Variants in NIM1K observed in about 807,000 individuals in gnomAD.
NIM1K encodes the protein NIM1 serine/threonine protein kinase.
In NIM1K, 35 loss-of-function variants were observed where a neutral mutation model predicts 37.1. That is an observed-to-expected ratio of 0.94 (90% CI 0.72 to 1.25). The LOEUF is 1.25. NIM1K is among the 50% of genes most tolerant of loss of function. The probability of loss-of-function intolerance (pLI) is 0.00; values close to 1 mark genes in which losing one functional copy is unlikely to be tolerated. For missense variants in NIM1K, 564 were observed against 548.0 expected (o/e 1.03, Z -0.29); for synonymous variants, 234 against 206.6 (o/e 1.13, Z -1.14).
chr5:43,252,215 T>G (rs1290075419), intron 2 of NIM1K, among the ~76,000 whole-genome samples: 1 of 152,218 alleles, frequency 6.6e-6, no homozygotes, highest in Non-Finnish European at 1.5e-5. Context: ...AAAATTAACT[T>G]CAAACTTGTC....
chr5:43,232,348 T>A (rs750154627), intron 1 of NIM1K: 1 of 1,329,634 alleles, frequency 7.5e-7, no homozygotes, highest in Non-Finnish European at 1.1e-6. Flanking sequence ...TCAGCAGAGA[T>A]GACAGGGCAT....
chr5:43,251,280 A>G (rs895579219), intron 2 of NIM1K, among the ~76,000 whole-genome samples: 3 of 152,258 alleles, frequency 2.0e-5, no homozygotes, highest in Non-Finnish European at 4.4e-5. Flanking sequence ...AAAACATGCT[A>G]ACAATCAATC....
intron 2 of NIM1K, among the ~76,000 whole-genome samples, chr5:43,260,922 C>T (rs1316310080): frequency 1.1e-4 from 17 of 152,148 alleles, no homozygotes; most frequent in Admixed American, 1.1e-3. Flanking sequence ...CATCCATGTC[C>T]CTGCAAAGGA....
intron 1 of NIM1K, chr5:43,242,833 C>G (rs1671902231): frequency 6.6e-6 from 1 of 151,036 alleles, no homozygotes; most frequent in Non-Finnish European, 1.5e-5. Flanking sequence ...TGGCGTTTCA[C>G]TCTTGTCGCC....
chr5:43,262,607 C>T (rs888922294), intron 2 of NIM1K, among the ~76,000 whole-genome samples: 4 of 152,054 alleles, frequency 2.6e-5, no homozygotes, highest in African/African-American at 7.2e-5. Flanking sequence ...ATTTCTTTCT[C>T]CTGCTTGATT....
In NIM1K at chr5:43,206,178, G is replaced by A. The variant is rs1175066504; in HGVS notation, c.-695+13767G>A. On this transcript the variant is annotated intron_variant, in intron 1 of 3. Transcript: ENST00000326035. ...TCTGTCGGTTCAAAGTGTGAGCAGAGTTCAGTGGAAATACTGAGATGGAGC... is the reference window on the plus strand; with the variant it reads ...TCTGTCGGTTCAAAGTGTGAGCAGAATTCAGTGGAAATACTGAGATGGAGC... Among the ~76,000 whole-genome samples the A allele has an allele frequency of 5.9e-5, 9 of 152,202 alleles. No individual in the cohort carries two copies. In the East Asian group the frequency reaches 7.7e-4, roughly 13 times the overall value.
chr5:43,234,755 C>A (rs1333953601), intron 1 of NIM1K, among the ~76,000 whole-genome samples: 1 of 152,202 alleles, frequency 6.6e-6, no homozygotes, highest in Non-Finnish European at 1.5e-5. Flanking sequence ...CTGCCTCAGC[C>A]TCCTGAGTAG....
At chr5:43,220,572 C>T (rs1166635082) in intron 1 of NIM1K, among the ~76,000 whole-genome samples, 2 of 152,124 alleles carry the variant, frequency 1.3e-5, no homozygotes, top group African/African-American at 2.4e-5. Context: ...TGAGCTACTG[C>T]GCCTGGCCCA....
At chr5:43,226,227 G>T (rs1025533761) in intron 1 of NIM1K, among the ~76,000 whole-genome samples, 2 of 152,220 alleles carry the variant, frequency 1.3e-5, no homozygotes, top group Non-Finnish European at 2.9e-5. Context: ...CCATCAAAGG[G>T]TTTTGAGTAG....
intron 1 of NIM1K, among the ~76,000 whole-genome samples, chr5:43,227,782 G>C (rs955194774): frequency 6.6e-6 from 1 of 152,102 alleles, no homozygotes; most frequent in African/African-American, 2.4e-5. Context: ...GGTCCAGAAG[G>C]GGGCAATGTG....
chr5:43,240,896 C>T (rs1431464800), intron 1 of NIM1K, among the ~76,000 whole-genome samples: 2 of 151,930 alleles, frequency 1.3e-5, no homozygotes, highest in African/African-American at 4.9e-5. Flanking sequence ...AACAGTATAT[C>T]TTGGATACTG....
At chr5:43,270,177 A>C (rs186844076) in intron 2 of NIM1K, among the ~76,000 whole-genome samples, 3 of 152,114 alleles carry the variant, frequency 2.0e-5, no homozygotes, top group African/African-American at 7.2e-5. Flanking sequence ...TAAAGATTGG[A>C]CCCCAATCCC....
intron 1 of NIM1K, among the ~76,000 whole-genome samples, chr5:43,237,494 A>G (rs909318152): frequency 6.6e-6 from 1 of 152,148 alleles, no homozygotes; most frequent in Non-Finnish European, 1.5e-5. Flanking sequence ...GCAAAAGAAC[A>G]ACAACAAAAA....
intron 1 of NIM1K, among the ~76,000 whole-genome samples, chr5:43,228,823 C>T (rs1014987353): frequency 6.6e-6 from 1 of 151,720 alleles, no homozygotes; most frequent in Admixed American, 6.6e-5. Context: ...AGAATGAGAC[C>T]GTGTCTCAAA....
chr5:43,231,562 T>G (rs1752539535), intron 1 of NIM1K, among the ~76,000 whole-genome samples: 1 of 152,204 alleles, frequency 6.6e-6, no homozygotes, highest in South Asian at 2.1e-4. Flanking sequence ...ATTTATTCTG[T>G]TAGTTCAGAT....
intron 1 of NIM1K, chr5:43,206,905 GAT>G: frequency 1.3e-6 from 1 of 768,660 alleles, no homozygotes; most frequent in Non-Finnish European, 2.4e-6. Context: ...TACCCACATG[GAT>G]TGTGTTGCTG....
intron 1 of NIM1K, among the ~76,000 whole-genome samples, chr5:43,197,619 C>T (rs1751937972): frequency 6.6e-6 from 1 of 152,132 alleles, no homozygotes; most frequent in Non-Finnish European, 1.5e-5. Context: ...CTGATTTTTC[C>T]ACCCTTTATA....
chr5:43,260,476 A>T (rs907216273), intron 2 of NIM1K, among the ~76,000 whole-genome samples: 2 of 152,220 alleles, frequency 1.3e-5, no homozygotes, highest in African/African-American at 4.8e-5. Flanking sequence ...TTTTTGTCAT[A>T]GAGCAATGCT....
chr5:43,208,459 C>T (rs574151253), intron 1 of NIM1K, among the ~76,000 whole-genome samples: 40 of 151,854 alleles, frequency 2.6e-4, no homozygotes, highest in African/African-American at 8.7e-4. Context: ...AAAAATTAGC[C>T]GGGCGTGGTG....
Sources: gnomAD v4.1 joint callset for allele counts (sites outside exome capture counted in the v4.1 genomes callset) on GRCh38, gnomAD v4.1.1 for gene constraint, MANE v1.5 for transcripts, NCBI Gene and HGNC (gene_info 2026-07-23, HGNC 2026-07-21) for gene names.